The following ATP6V1E1 variants were observed in gnomAD, a reference collection of about 807,000 sequenced individuals.
The protein encoded by ATP6V1E1 is V-type proton ATPase subunit E 1.
A neutral mutation model predicts 35.2 loss-of-function variants in ATP6V1E1; 21 were observed. The ratio of observed to expected loss-of-function variants is 0.60; its 90% CI spans 0.42 to 0.86. The LOEUF (loss-of-function observed/expected upper bound fraction) is 0.86, where lower values mean the gene tolerates loss of function less well. ATP6V1E1 is among the 40% of genes least tolerant of loss of function. The pLI, the probability that ATP6V1E1 is intolerant of heterozygous loss-of-function variation, is 0.00. For synonymous variants in ATP6V1E1, 83 were observed against 87.8 expected (o/e 0.95, Z 0.30); for missense variants, 183 against 272.6 (o/e 0.67, Z 2.32).
chr22:17,592,605 T>C lies in ATP6V1E1; in HGVS notation c.*69A>G. On this transcript the variant is annotated 3_prime_UTR_variant, in exon 9 of 9. Transcript: ENST00000253413. ...AGAGGAAGCTACAGAGACATTCGTG[T>C]TTCTTCAAATATCAGAAGCTTCCAC... 6.7e-7 allele frequency: 1 copy of C among 1,491,676 alleles called. No homozygotes were observed. Among genetic ancestry groups the C allele is most frequent in the Non-Finnish European group, 9.4e-7 (1 of 1,069,412 alleles). The allele number at this position is 1,491,676 out of a possible 1,614,324, so 92.4% of individuals were successfully genotyped here. A position where few individuals can be genotyped will look rare whatever the true frequency, so the allele number is the denominator to read the frequency against.
chr22:17,602,074 T>A (rs1196495851), intron 4 of ATP6V1E1, among the ~76,000 whole-genome samples: 1 of 152,132 alleles, frequency 6.6e-6, no homozygotes, highest in African/African-American at 2.4e-5. Context: ...CCAGCTCATA[T>A]TATTTTATTT....
At chr22:17,625,966 T>C (rs546863275) in intron 1 of ATP6V1E1, among the ~76,000 whole-genome samples, 111 of 151,860 alleles carry the variant, frequency 7.3e-4, no homozygotes, top group African/African-American at 2.6e-3. Flanking sequence ...CTGATACATC[T>C]ACTTGGTGCC....
At chr22:17,602,368 G>A (rs1402797679) in intron 4 of ATP6V1E1, among the ~76,000 whole-genome samples, 1 of 147,700 alleles carries the variant, frequency 6.8e-6, no homozygotes, top group East Asian at 2.0e-4. Context: ...AGGGCTAAAA[G>A]AAAACTCAAG....
Position 17,592,671 on chromosome 22 carries a change from G to A in ATP6V1E1, c.*3C>T, listed in dbSNP as rs537031122. The A allele has an allele frequency of 1.0e-4, 169 of 1,613,928 alleles. 1 individual carries two copies. The South Asian group carries it at 1.7e-3, about 16-fold the overall frequency. On this transcript the variant is annotated 3_prime_UTR_variant, in exon 9 of 9. Coordinates refer to ENST00000253413, the MANE Select transcript of ATP6V1E1 (RefSeq NM_001696.4). Reference sequence around the variant, plus strand: ...CTGACGACGAGCTCCACCTCCTGAAGGCTTAGTCCAAAAACTTCCTGTTGG... The same window carrying A: ...CTGACGACGAGCTCCACCTCCTGAAAGCTTAGTCCAAAAACTTCCTGTTGG...
intron 4 of ATP6V1E1, among the ~76,000 whole-genome samples, chr22:17,610,544 T>C (rs1034471): frequency 0.35 from 52,898 of 152,094 alleles, 9,544 homozygotes; most frequent in African/African-American, 0.41. Context: ...AACCTAATTA[T>C]AAAGCCTATT....
intron 4 of ATP6V1E1, among the ~76,000 whole-genome samples, chr22:17,607,142 C>T (rs2057790868): frequency 6.6e-6 from 1 of 151,926 alleles, no homozygotes; most frequent in African/African-American, 2.4e-5. Context: ...CATTCTTTAC[C>T]TGTTCTTCCT....
At chr22:17,621,523 G>A (rs2057877577) in intron 1 of ATP6V1E1, among the ~76,000 whole-genome samples, 1 of 152,060 alleles carries the variant, frequency 6.6e-6, no homozygotes, top group Non-Finnish European at 1.5e-5. Flanking sequence ...TTGAACTACT[G>A]GGCTCAAGCG....
At chr22:17,605,310 C>T (rs2057781163) in intron 4 of ATP6V1E1, among the ~76,000 whole-genome samples, 1 of 151,782 alleles carries the variant, frequency 6.6e-6, no homozygotes, top group Non-Finnish European at 1.5e-5. Context: ...GCAGGCAGAT[C>T]ACCTGAGGTC....
chr22:17,626,986 T>C (rs1420952918), intron 1 of ATP6V1E1, among the ~76,000 whole-genome samples: 1 of 151,344 alleles, frequency 6.6e-6, no homozygotes, highest in African/African-American at 2.4e-5. Context: ...TGTATTTGTG[T>C]TTATTAATAT....
intron 1 of ATP6V1E1, among the ~76,000 whole-genome samples, chr22:17,624,705 C>A (rs9604776): frequency 0.088 from 13,313 of 152,026 alleles, 620 homozygotes; most frequent in Middle Eastern, 0.12. Flanking sequence ...CCTGTAGTCC[C>A]AGCTACTGGA....
chr22:17,592,803 T>C lies in ATP6V1E1; in HGVS notation c.619-67A>G, dbSNP rs867919543. On this transcript the variant is annotated intron_variant, in intron 8 of 8. Transcript: ENST00000253413. ...GAAGTTGTAGAGCGCTGCACATCTT[T>C]TTTTTTTTTTTTTTTTTGAGACGGA... 257 of 807,982 alleles carry C rather than the reference T, an allele frequency of 3.2e-4. No individual in the cohort carries two copies. In the African/African-American group the frequency reaches 4.6e-3, roughly 14 times the overall value. The allele number at this position is 807,982 out of a possible 1,614,324, so 50.1% of individuals were successfully genotyped here.
intron 2 of ATP6V1E1, among the ~76,000 whole-genome samples, chr22:17,615,090 C>T (rs922218626): frequency 4.4e-4 from 66 of 151,620 alleles, no homozygotes; most frequent in African/African-American, 1.5e-3. Context: ...ATCACAAGGT[C>T]GGGAGTTCAA....
chr22:17,623,844 A>T (rs1162810610), intron 1 of ATP6V1E1, among the ~76,000 whole-genome samples: 1 of 152,136 alleles, frequency 6.6e-6, no homozygotes, highest in African/African-American at 2.4e-5. Context: ...CGCTAATTCT[A>T]ACCCAGGTCA....
At chr22:17,611,848 TTG>T (rs2057817145) in intron 4 of ATP6V1E1, among the ~76,000 whole-genome samples, 1 of 152,240 alleles carries the variant, frequency 6.6e-6, no homozygotes, top group Middle Eastern at 3.2e-3. Flanking sequence ...GAATACTGGT[TTG>T]TGTTTCTTTC....
At chr22:17,618,727 C>T (rs776572352) in intron 2 of ATP6V1E1, among the ~76,000 whole-genome samples, 25 of 149,622 alleles carry the variant, frequency 1.7e-4, no homozygotes, top group Non-Finnish European at 2.8e-4. Flanking sequence ...GGGCTGGGCA[C>T]GGTGTTTCAC....
At chr22:17,622,459 G>A (rs1423096890) in intron 1 of ATP6V1E1, among the ~76,000 whole-genome samples, 1 of 152,126 alleles carries the variant, frequency 6.6e-6, no homozygotes, top group African/African-American at 2.4e-5. Context: ...TAAATCTTAA[G>A]TATACATAGG....
At chr22:17,614,066 G>A (rs1568889577) in intron 2 of ATP6V1E1, among the ~76,000 whole-genome samples, 1 of 151,484 alleles carries the variant, frequency 6.6e-6, no homozygotes, top group Non-Finnish European at 1.5e-5. Flanking sequence ...AAATTAAAAA[G>A]TTGGCTGGGC....
intron 8 of ATP6V1E1, 120 bp downstream of exon 8, chr22:17,594,409 G>A (rs1460466905): frequency 3.7e-6 from 3 of 812,698 alleles, no homozygotes; most frequent in Non-Finnish European, 5.4e-6. Context: ...TTCTTTTTGA[G>A]AAAATGTCCA....
chr22:17,616,694 A>G (rs2401162), intron 2 of ATP6V1E1, among the ~76,000 whole-genome samples: 17,259 of 148,794 alleles, frequency 0.12, 1,536 homozygotes, highest in Non-Finnish European at 0.17. Flanking sequence ...AAAAAAAAAA[A>G]AAAGAAATGC....
Sources: allele counts gnomAD v4.1 joint callset (sites outside exome capture counted in the v4.1 genomes callset), GRCh38; gene constraint gnomAD v4.1.1; transcripts MANE v1.5; gene names NCBI Gene and HGNC (gene_info 2026-07-23, HGNC 2026-07-21).